The following PHKB variants were observed in gnomAD, a reference collection of about 807,000 sequenced individuals.
PHKB encodes the protein phosphorylase kinase regulatory subunit beta.
PHKB carries 122 observed loss-of-function variants against 152.1 expected under a neutral mutation model. The observed-to-expected ratio is 0.80, with a 90% confidence interval of 0.69 to 0.93. The LOEUF is 0.93. PHKB is among the 40% of genes least tolerant of loss of function. The pLI is 0.00. For missense variants in PHKB, 1,304 were observed against 1,328.4 expected, an observed-to-expected ratio of 0.98 and a Z score of 0.29; for synonymous variants, 436 against 464.9, an observed-to-expected ratio of 0.94 and a Z score of 0.80.
At position 47,594,811 on chromosome 16, in the gene PHKB, GA is replaced by G. The variant is rs534224596; in HGVS notation, c.1204+601del. On this transcript the variant is annotated intron_variant, in intron 12 of 30. Transcript: ENST00000323584. ...CATAGCTGAATTTTCTGTATAACTGGAAAACCAATTTTCAAAGGAATTCCAA... is the reference window on the plus strand; with the variant it reads ...CATAGCTGAATTTTCTGTATAACTGGAAACCAATTTTCAAAGGAATTCCAA... 2.1e-4 allele frequency among the ~76,000 whole-genome samples: 32 copies of G among 152,242 alleles called. No individual in the cohort carries two copies. The East Asian group carries it at 6.0e-3, about 28-fold the overall frequency.
At chr16:47,583,522 A>G (rs1445228473) in intron 8 of PHKB, among the ~76,000 whole-genome samples, 1 of 152,176 alleles carries the variant, frequency 6.6e-6, no homozygotes, top group Non-Finnish European at 1.5e-5. Context: ...TCTAAAGGCC[A>G]TTGGTATAAG....
chr16:47,612,665 C>T (rs1369837418), intron 14 of PHKB, among the ~76,000 whole-genome samples: 1 of 152,188 alleles, frequency 6.6e-6, no homozygotes, highest in Non-Finnish European at 1.5e-5. Flanking sequence ...AGCCACGTGG[C>T]AGATTACCTC....
chr16:47,620,065 T>G (rs1192605876), intron 14 of PHKB, among the ~76,000 whole-genome samples: 1 of 152,200 alleles, frequency 6.6e-6, no homozygotes, highest in Non-Finnish European at 1.5e-5. Flanking sequence ...ACTATTATAT[T>G]TAACAGGCAA....
Position 47,596,441 on chromosome 16 carries a change from G to T in PHKB, c.1273G>T (p.Gly425Cys). 1.2e-6 allele frequency: 2 copies of T among 1,612,858 alleles called. No homozygotes were observed. Residue 425 changes from glycine to cysteine, a missense_variant, in exon 13 of 31, where the codon GGT becomes TGT. Transcript: ENST00000323584. ...DFVEYEKNNP[G>C]SQKRFPSNCG... ...TGTAGAATATGAAAAAAATAACCCTGGTAGTCAAAAACGATTTCCTAGCAA... is the reference window on the plus strand; with the variant it reads ...TGTAGAATATGAAAAAAATAACCCTTGTAGTCAAAAACGATTTCCTAGCAA...
intron 7 of PHKB, among the ~76,000 whole-genome samples, chr16:47,558,281 T>C (rs1971415653): frequency 6.6e-6 from 1 of 151,230 alleles, no homozygotes; most frequent in South Asian, 2.1e-4. Context: ...TATCTAATGC[T>C]AAATGACGAG....
In PHKB at chr16:47,584,444, T is replaced by C. The variant is rs181408391; in HGVS notation, c.775-3224T>C. Reference sequence around the variant, plus strand: ...CTCTGCTCTTTTGAGACCCTGAAAATTCATGTTCAAATTTATCTTTCTCTG... The same window carrying C: ...CTCTGCTCTTTTGAGACCCTGAAAACTCATGTTCAAATTTATCTTTCTCTG... On this transcript the variant is annotated intron_variant, in intron 8 of 30. Transcript: ENST00000323584. Among the ~76,000 whole-genome samples, 360 of 152,320 alleles carry C rather than the reference T, an allele frequency of 2.4e-3. 4 individuals are homozygous for C. Among genetic ancestry groups the C allele is most frequent in the Admixed American group, 7.2e-3 (110 of 15,300 alleles).
intron 23 of PHKB, among the ~76,000 whole-genome samples, chr16:47,662,148 A>T (rs996052079): frequency 6.6e-6 from 1 of 152,244 alleles, no homozygotes. Flanking sequence ...TTTCAAGAAT[A>T]ACATTGAATT....
At chr16:47,590,118 T>C (rs952064123) in intron 10 of PHKB, among the ~76,000 whole-genome samples, 1 of 152,250 alleles carries the variant, frequency 6.6e-6, no homozygotes, top group Admixed American at 6.5e-5. Context: ...ATGGGCATAA[T>C]TGGCTCACTC....
At chr16:47,656,686 C>T (rs1973345176) in intron 20 of PHKB, among the ~76,000 whole-genome samples, 1 of 152,058 alleles carries the variant, frequency 6.6e-6, no homozygotes, top group Admixed American at 6.5e-5. Context: ...GTTCCTCATT[C>T]CCCCCACACT....
At chr16:47,635,655 T>C (rs1391892516) in intron 14 of PHKB, among the ~76,000 whole-genome samples, 1 of 152,210 alleles carries the variant, frequency 6.6e-6, no homozygotes, top group Non-Finnish European at 1.5e-5. Flanking sequence ...AGTGACAAGA[T>C]AGGACTTGTA....
At chr16:47,619,862 AGTTGTCCAC>A (rs1230583024) in intron 14 of PHKB, among the ~76,000 whole-genome samples, 5 of 152,196 alleles carry the variant, frequency 3.3e-5, no homozygotes, top group Non-Finnish European at 5.9e-5. Flanking sequence ...TTTGCGTTAC[AGTTGTCCAC>A]TAGGTATAAG....
chr16:47,501,449 A>C (rs866557382), intron 3 of PHKB, among the ~76,000 whole-genome samples: 1 of 152,190 alleles, frequency 6.6e-6, no homozygotes, highest in Non-Finnish European at 1.5e-5. Flanking sequence ...GGGACACTTC[A>C]GTATTTGAGC....
At chr16:47,464,079 A>G in intron 1 of PHKB, 1 of 908,930 alleles carries the variant, frequency 1.1e-6, no homozygotes. Flanking sequence ...AGATATCATT[A>G]TGTCTTTATT....
At chr16:47,503,495 A>G (rs777306524) in intron 4 of PHKB, among the ~76,000 whole-genome samples, 3 of 152,216 alleles carry the variant, frequency 2.0e-5, no homozygotes, top group Non-Finnish European at 4.4e-5. Context: ...GTAACACTTC[A>G]TTCATTTACA....
intron 1 of PHKB, among the ~76,000 whole-genome samples, chr16:47,487,069 C>T (rs1970061451): frequency 6.6e-6 from 1 of 152,196 alleles, no homozygotes; most frequent in Admixed American, 6.5e-5. Context: ...TAAACACTGA[C>T]TGATTCCTTC....
At chr16:47,546,527 C>T (rs1302544014) in intron 6 of PHKB, among the ~76,000 whole-genome samples, 1 of 152,222 alleles carries the variant, frequency 6.6e-6, no homozygotes, top group Admixed American at 6.5e-5. Flanking sequence ...TCAGCCCCTA[C>T]TCGGACGTGT....
chr16:47,545,727 G>A (rs575926531), intron 6 of PHKB, among the ~76,000 whole-genome samples: 5 of 152,282 alleles, frequency 3.3e-5, no homozygotes, highest in South Asian at 2.1e-4. Context: ...TCAGGTACAC[G>A]AATCAAACGT....
intron 3 of PHKB, 148 bp downstream of exon 3, chr16:47,500,042 C>G (rs1970299016): frequency 9.2e-6 from 8 of 872,690 alleles, no homozygotes; most frequent in Admixed American, 4.5e-5. Flanking sequence ...GGCCTCTAAA[C>G]CTTTTCATTT....
chr16:47,626,932 A>G (rs1347984279), intron 14 of PHKB, among the ~76,000 whole-genome samples: 1 of 152,168 alleles, frequency 6.6e-6, no homozygotes, highest in Admixed American at 6.5e-5. Context: ...CAGGGAACAG[A>G]TCCCGTTGGT....
Sources: allele counts gnomAD v4.1 joint callset (sites outside exome capture counted in the v4.1 genomes callset), GRCh38; gene constraint gnomAD v4.1.1; transcripts MANE v1.5; gene names NCBI Gene and HGNC (gene_info 2026-07-23, HGNC 2026-07-21).